The following TBC1D9 variants were observed in gnomAD, a reference collection of about 807,000 sequenced individuals.
TBC1D9 encodes the protein TBC1 domain family member 9A.
TBC1D9 carries 63 observed loss-of-function variants against 132.0 expected under a neutral mutation model. The observed-to-expected ratio is 0.48, with a 90% confidence interval of 0.39 to 0.59. The LOEUF (loss-of-function observed/expected upper bound fraction) is 0.59. TBC1D9 is among the 20% of genes least tolerant of loss of function. The pLI, the probability that TBC1D9 is intolerant of heterozygous loss-of-function variation, is 0.00. For missense variants in TBC1D9, 1,261 were observed against 1,592.7 expected (o/e 0.79, Z 3.54); for synonymous variants, 610 against 609.9 (o/e 1.00, Z 0.00).
intron 10 of TBC1D9, 65 bp from the exon 11 acceptor site, chr4:140,659,770 T>A: frequency 3.5e-6 from 4 of 1,127,484 alleles, no homozygotes; most frequent in Non-Finnish European, 5.1e-6. Flanking sequence ...GTTAGCATAT[T>A]AAAATTACTC....
At chr4:140,700,074 C>T (rs1305690179) in intron 2 of TBC1D9, among the ~76,000 whole-genome samples, 1 of 151,926 alleles carries the variant, frequency 6.6e-6, no homozygotes, top group Non-Finnish European at 1.5e-5. Context: ...AAGCAGGAGG[C>T]TCACCTGAGC....
At chr4:140,732,837 A>G (rs866714470) in intron 1 of TBC1D9, among the ~76,000 whole-genome samples, 23 of 152,222 alleles carry the variant, frequency 1.5e-4, no homozygotes, top group African/African-American at 5.3e-4. Flanking sequence ...ATATCAGGAA[A>G]TGAAAATTCC....
intron 10 of TBC1D9, among the ~76,000 whole-genome samples, 170 bp downstream of exon 10, chr4:140,661,723 C>T (rs909660449): frequency 1.3e-5 from 2 of 152,316 alleles, no homozygotes; most frequent in East Asian, 3.9e-4. Flanking sequence ...AAGCATAGAA[C>T]AGCCCATACA....
chr4:140,740,744 A>T (rs945061997), intron 1 of TBC1D9, among the ~76,000 whole-genome samples: 3 of 150,396 alleles, frequency 2.0e-5, no homozygotes, highest in African/African-American at 7.6e-5. Context: ...AAGCTGGCTT[A>T]ATAAATAGAG....
In TBC1D9 at chr4:140,624,112, T is replaced by G. The variant is rs1399787135; in HGVS notation, c.3078+4A>C. The G allele has an allele frequency of 6.3e-7, 1 of 1,597,630 alleles. No individual in the cohort carries two copies. The highest frequency in any genetic ancestry group is 8.5e-7 in the Non-Finnish European group (1 of 1,170,114). ...AGCGAATGATTTGAACTTTAAGCAC[T>G]TACCTGATTTAATTTGGGTAAATCC... is the stretch of plus-strand genomic sequence containing the variant. On this transcript the variant is annotated splice_donor_region_variant and intron_variant, in intron 20 of 20. Coordinates refer to ENST00000442267, the MANE Select transcript of TBC1D9 (RefSeq NM_015130.3).
intron 1 of TBC1D9, among the ~76,000 whole-genome samples, chr4:140,735,781 CCTA>C (rs1379884739): frequency 1.3e-5 from 2 of 152,186 alleles, no homozygotes; most frequent in Non-Finnish European, 2.9e-5. Flanking sequence ...AATAGCAAGA[CCTA>C]CTGTGGCGTA....
At chr4:140,663,426 C>T (rs540078991) in intron 9 of TBC1D9, among the ~76,000 whole-genome samples, 1 of 152,078 alleles carries the variant, frequency 6.6e-6, no homozygotes, top group Non-Finnish European at 1.5e-5. Flanking sequence ...GAAAAGGGAA[C>T]CCTTGTACAC....
At chr4:140,722,029 G>C (rs886346182) in intron 1 of TBC1D9, among the ~76,000 whole-genome samples, 1 of 152,110 alleles carries the variant, frequency 6.6e-6, no homozygotes, top group Non-Finnish European at 1.5e-5. Flanking sequence ...ACCAGGCCAG[G>C]ATTTATTCCT....
intron 18 of TBC1D9, among the ~76,000 whole-genome samples, chr4:140,627,074 T>C (rs1236756069): frequency 2.0e-5 from 3 of 152,274 alleles, no homozygotes; most frequent in African/African-American, 7.2e-5. Context: ...ACTTCTGCTA[T>C]AGAGCAAACA....
intron 1 of TBC1D9, among the ~76,000 whole-genome samples, chr4:140,747,267 G>T (rs929930792): frequency 2.0e-5 from 3 of 151,760 alleles, no homozygotes; most frequent in Non-Finnish European, 4.4e-5. Flanking sequence ...TAGGAGAATC[G>T]CTTGAACTCA....
At chr4:140,677,160 GCA>G in intron 5 of TBC1D9, 59 bp from the exon 6 acceptor site, 1 of 1,588,726 alleles carries the variant, frequency 6.3e-7, no homozygotes, top group Non-Finnish European at 8.5e-7. Flanking sequence ...TCTAAATTAT[GCA>G]GCAGCGGAAG....
In TBC1D9 at chr4:140,633,985, G is replaced by C. The variant is rs1347302064; in HGVS notation, c.2709C>G (p.Asp903Glu). ...CAAACTCCCGGAAGTTAATCAAAGAGTCTCCATTTTCATCTAATAACTGGA... is the reference window on the plus strand; with the variant it reads ...CAAACTCCCGGAAGTTAATCAAAGACTCTCCATTTTCATCTAATAACTGGA... ...RLFQLLDENG[D>E]SLINFREFVS... Residue 903 changes from aspartate (D) to glutamate (E), a missense_variant, in exon 16 of 21, where the codon GAC (aspartate) becomes GAG (glutamate). Asp to Glu is a conservative substitution (Grantham distance 45, BLOSUM62 2). Transcript: ENST00000442267. The C allele has an allele frequency of 6.2e-7, 1 of 1,613,972 alleles. No individual in the cohort carries two copies. Among genetic ancestry groups the C allele is most frequent in the Non-Finnish European group, 8.5e-7 (1 of 1,179,888 alleles).
At chr4:140,643,410 G>T in intron 13 of TBC1D9, 1 of 475,720 alleles carries the variant, frequency 2.1e-6, no homozygotes, top group Non-Finnish European at 3.4e-6. Context: ...CTCCATGCCA[G>T]CCAGTGGGTC....
Position 140,669,807 on chromosome 4 carries a change from G to A in TBC1D9, c.1267-3C>T, listed in dbSNP as rs1196628244. ...AGGCTGCTGGGTCGAGAGTACACCTGTCAATACAGAGAGGAACAAGACATT... is the reference window on the plus strand; with the variant it reads ...AGGCTGCTGGGTCGAGAGTACACCTATCAATACAGAGAGGAACAAGACATT... On this transcript the variant is annotated splice_region_variant and splice_polypyrimidine_tract_variant and intron_variant, in intron 7 of 20. Coordinates refer to ENST00000442267, the MANE Select transcript of TBC1D9 (RefSeq NM_015130.3). 6 of 1,610,786 alleles carry A rather than the reference G, an allele frequency of 3.7e-6. No homozygotes were observed. The highest frequency in any genetic ancestry group is 4.5e-5 in the East Asian group (2 of 44,804).
At chr4:140,636,487 G>T (rs1391103020) in intron 15 of TBC1D9, among the ~76,000 whole-genome samples, 1 of 151,928 alleles carries the variant, frequency 6.6e-6, no homozygotes, top group Non-Finnish European at 1.5e-5. Flanking sequence ...CGACCTCCTG[G>T]GCTCAAACGA....
rs1327151102 is a variant in TBC1D9, at chr4:140,624,463, A to G, written c.2900-75T>C. The G allele has an allele frequency of 3.0e-6, 4 of 1,340,208 alleles. No individual in the cohort carries two copies. The African/African-American group carries it at 5.8e-5, about 19-fold the overall frequency. 83.0% of individuals were successfully genotyped at this position (1,340,208 alleles called of 1,614,324 possible). On this transcript the variant is annotated intron_variant, in intron 18 of 20. Transcript: ENST00000442267. ...CCATGGAATTAGCATTTGTAGTGGA[A>G]AATAGAAGACTCTCTAAGTAGGGTT...
chr4:140,717,882 G>A (rs1193118858), intron 1 of TBC1D9, among the ~76,000 whole-genome samples: 1 of 152,050 alleles, frequency 6.6e-6, no homozygotes, highest in East Asian at 1.9e-4. Context: ...ACTTCCCAGT[G>A]GTACCCCAGG....
chr4:140,638,971 C>T, intron 15 of TBC1D9, 115 bp downstream of exon 15: 1 of 729,328 alleles, frequency 1.4e-6, no homozygotes, highest in Non-Finnish European at 2.2e-6. Context: ...ACTCTCAGCT[C>T]TAGCTTCCTA....
intron 13 of TBC1D9, among the ~76,000 whole-genome samples, chr4:140,649,905 ACT>A (rs1412652502): frequency 1.3e-5 from 2 of 152,092 alleles, no homozygotes; most frequent in African/African-American, 4.8e-5. Flanking sequence ...CACCCTCATA[ACT>A]CTGCCAGAAG....
Sources: allele counts gnomAD v4.1 joint callset (sites outside exome capture counted in the v4.1 genomes callset), GRCh38; gene constraint gnomAD v4.1.1; transcripts MANE v1.5; gene names NCBI Gene and HGNC (gene_info 2026-07-23, HGNC 2026-07-21).